KYNU: variants seen among roughly 807,000 people sequenced by gnomAD.
KYNU encodes the protein kynureninase, also known as L-kynurenine hydrolase.
KYNU carries 54 observed loss-of-function variants against 59.2 expected under a neutral mutation model. That is an observed-to-expected ratio of 0.91 (90% CI 0.73 to 1.14). The LOEUF is 1.14. KYNU is among the 50% of genes most tolerant of loss of function. The pLI is 0.00. For synonymous variants in KYNU, 177 were observed against 192.0 expected (o/e 0.92, Z 0.65); for missense variants, 567 against 554.4 (o/e 1.02, Z -0.23).
In KYNU at chr2:142,904,662, C is replaced by T. The variant is rs141294662; in HGVS notation, c.170-13947C>T. ...AGGGAAAAAGGTACATACACTCTGA[C>T]AAGGCCGAATTCTCCAGAATACATT... On this transcript the variant is annotated intron_variant, in intron 2 of 13. Transcript: ENST00000264170. 8.8e-4 allele frequency among the ~76,000 whole-genome samples: 134 copies of T among 152,326 alleles called. 1 individual carries two copies. The East Asian group carries it at 0.023, about 26-fold the overall frequency.
chr2:142,952,777 C>G (rs960097401), intron 4 of KYNU, among the ~76,000 whole-genome samples: 1 of 152,052 alleles, frequency 6.6e-6, no homozygotes, highest in African/African-American at 2.4e-5. Flanking sequence ...CTCCTTTTTC[C>G]TGCCTCTTCC....
intron 10 of KYNU, among the ~76,000 whole-genome samples, chr2:142,998,986 C>T (rs1301346757): frequency 1.7e-5 from 2 of 117,032 alleles, no homozygotes; most frequent in Non-Finnish European, 3.2e-5. Flanking sequence ...TCCAGCCTGG[C>T]AACAGACTGA....
At chr2:142,964,132 A>G (rs1273787841) in intron 8 of KYNU, among the ~76,000 whole-genome samples, 1 of 142,956 alleles carries the variant, frequency 7.0e-6, no homozygotes, top group African/African-American at 2.6e-5. Flanking sequence ...TTTTTTTTCT[A>G]TTTCAGTGTA....
chr2:142,963,340 T>C (rs1186427098), intron 8 of KYNU, among the ~76,000 whole-genome samples: 3 of 152,146 alleles, frequency 2.0e-5, no homozygotes, highest in African/African-American at 7.2e-5. Flanking sequence ...CTTGGGCTGC[T>C]ATAACAAAAT....
intron 2 of KYNU, among the ~76,000 whole-genome samples, chr2:142,909,154 A>G (rs1284718890): frequency 8.3e-6 from 1 of 119,890 alleles, no homozygotes; most frequent in Non-Finnish European, 1.6e-5. Flanking sequence ...TTCCAAACAT[A>G]TATCAAGTTT....
Position 143,029,635 on chromosome 2 carries a change from G to T in KYNU, c.911G>T (p.Gly304Val). ...HAHTIKPALV[G>V]WFGHELSTRF... ...TTTTATTTATATTTTAGATTAGTGGGATGGTTTGGCCATGAACTCAGCACC... is the reference window on the plus strand; with the variant it reads ...TTTTATTTATATTTTAGATTAGTGGTATGGTTTGGCCATGAACTCAGCACC... Residue 304 changes from glycine (G) to valine (V), a missense_variant, in exon 11 of 14, where the codon GGA becomes GTA. Physicochemically the swap from Gly to Val is moderately radical, Grantham distance 109. Transcript: ENST00000264170. 1 of 1,598,386 alleles carries T rather than the reference G, an allele frequency of 6.3e-7. No homozygotes were observed. The highest frequency in any genetic ancestry group is 8.6e-7 in the Non-Finnish European group (1 of 1,165,696).
intron 8 of KYNU, among the ~76,000 whole-genome samples, chr2:142,967,912 G>T (rs1684599385): frequency 1.3e-5 from 2 of 152,092 alleles, no homozygotes; most frequent in Admixed American, 1.3e-4. Context: ...GAATAAATGA[G>T]TACTAAACAC....
rs146048283 is a variant in KYNU at position 142,900,866 on chromosome 2, A to C, written c.169+15330A>C. ...GCAGGCTGGTCCGGGTCTGCAGTAG[A>C]TTTTAGTCATGGACTGCATCTGGGG... On this transcript the variant is annotated intron_variant, in intron 2 of 13. Coordinates refer to ENST00000264170, the MANE Select transcript of KYNU (RefSeq NM_003937.3). 2.5e-4 allele frequency among the ~76,000 whole-genome samples: 38 copies of C among 152,226 alleles called. No individual in the cohort carries two copies. The East Asian group carries it at 6.2e-3, about 25-fold the overall frequency.
chr2:142,986,153 T>C (rs1360104385), intron 10 of KYNU, 132 bp downstream of exon 10: 24 of 690,856 alleles, frequency 3.5e-5, no homozygotes, highest in Middle Eastern at 2.6e-4. Context: ...ATTTTCCTAC[T>C]CTGCTAACAA....
intron 2 of KYNU, among the ~76,000 whole-genome samples, chr2:142,901,471 C>T (rs2104946518): frequency 6.6e-6 from 1 of 152,030 alleles, no homozygotes; most frequent in African/African-American, 2.4e-5. Context: ...ACCCGCTTGG[C>T]AGTTTCCTTC....
At chr2:142,939,051 T>A (rs1399708449) in intron 4 of KYNU, among the ~76,000 whole-genome samples, 1 of 152,032 alleles carries the variant, frequency 6.6e-6, no homozygotes, top group Non-Finnish European at 1.5e-5. Context: ...TTGAGCTACT[T>A]TTTAGGCTGA....
chr2:143,033,015 G>A (rs190563657), intron 11 of KYNU, among the ~76,000 whole-genome samples: 70 of 152,166 alleles, frequency 4.6e-4, no homozygotes, highest in Admixed American at 2.3e-3. Flanking sequence ...TAAGATTTCT[G>A]GTGTTCTGCT....
chr2:143,013,294 T>TTCTCTCTC (rs773447110), intron 10 of KYNU, among the ~76,000 whole-genome samples: 1 of 133,250 alleles, frequency 7.5e-6, no homozygotes, highest in Non-Finnish European at 1.6e-5. Flanking sequence ...CTCTGTCTCT[T>TTCTCTCTC]TCTCTGTGTG....
chr2:142,974,972 T>G (rs1684842979), intron 8 of KYNU, among the ~76,000 whole-genome samples: 1 of 152,154 alleles, frequency 6.6e-6, no homozygotes, highest in African/African-American at 2.4e-5. Flanking sequence ...AGGGTATGGC[T>G]TGAAATCAGT....
At chr2:143,012,058 T>C (rs1417812379) in intron 10 of KYNU, among the ~76,000 whole-genome samples, 1 of 127,996 alleles carries the variant, frequency 7.8e-6, no homozygotes, top group Non-Finnish European at 1.7e-5. Flanking sequence ...AAACTTAAAG[T>C]ATAATAAAAA....
At position 143,043,885 on chromosome 2, in the gene KYNU, T is replaced by C. The variant is rs2104929946; in HGVS notation, c.*1713T>C. ...AGTTCTTGGATACACGTGCAGAACA[T>C]GCAGGTTTGTTACATAGGTATACAT... is the stretch of plus-strand genomic sequence containing the variant. On this transcript the variant is annotated 3_prime_UTR_variant, in exon 14 of 14. Coordinates refer to ENST00000264170, the MANE Select transcript of KYNU (RefSeq NM_003937.3). 6.6e-6 allele frequency: 1 copy of C among 150,822 alleles called. No individual in the cohort carries two copies. The highest frequency in any genetic ancestry group is 2.1e-4 in the South Asian group (1 of 4,792). 9.3% of individuals were successfully genotyped at this position (150,822 alleles called of 1,614,324 possible). A position where few individuals can be genotyped will look rare whatever the true frequency, so the allele number is the denominator to read the frequency against.
intron 1 of KYNU, among the ~76,000 whole-genome samples, chr2:142,883,890 T>A (rs1273766541): frequency 6.6e-6 from 1 of 152,142 alleles, no homozygotes; most frequent in Non-Finnish European, 1.5e-5. Context: ...TTACTGGGAG[T>A]CACATAATAG....
chr2:142,998,466 C>T (rs889422132), intron 10 of KYNU, among the ~76,000 whole-genome samples: 10 of 152,226 alleles, frequency 6.6e-5, no homozygotes, highest in East Asian at 3.9e-4. Flanking sequence ...CAATGTATTT[C>T]GTGTTTAAAT....
chr2:143,041,999 A>G (rs781220496), intron 13 of KYNU, 48 bp from the exon 14 acceptor site: 5 of 1,596,862 alleles, frequency 3.1e-6, no homozygotes, highest in East Asian at 2.2e-5. Flanking sequence ...TAGATTTTCA[A>G]CGTGTGAATA....
Sources: gnomAD v4.1 joint callset for allele counts (sites outside exome capture counted in the v4.1 genomes callset) on GRCh38, gnomAD v4.1.1 for gene constraint, MANE v1.5 for transcripts, NCBI Gene and HGNC (gene_info 2026-07-23, HGNC 2026-07-21) for gene names.